The following ALMS1 variants were observed in gnomAD, a reference collection of about 807,000 sequenced individuals.
ALMS1 encodes ALMS1 centrosome and basal body associated protein.
ALMS1 carries 271 observed loss-of-function variants against 352.2 expected under a neutral mutation model. The observed-to-expected ratio is 0.77, with a 90% CI of 0.70 to 0.85. The LOEUF is 0.85. Among genes scored for constraint, ALMS1 ranks in the 40% least tolerant of loss-of-function variants. ALMS1 has a pLI of 0.00. For synonymous variants in ALMS1, 1,865 were observed against 1,761.2 expected (o/e 1.06, Z -1.48); for missense variants, 5,445 against 4,870.7 (o/e 1.12, Z -3.51).
At chr2:73,445,831 A>G (rs1671802538) in intron 7 of ALMS1, among the ~76,000 whole-genome samples, 1 of 152,022 alleles carries the variant, frequency 6.6e-6, no homozygotes, top group Admixed American at 6.6e-5. Flanking sequence ...TTACCTCTTC[A>G]ACTCACCCCT....
At chr2:73,552,257 C>G (rs1457527547) in intron 13 of ALMS1, among the ~76,000 whole-genome samples, 2 of 152,026 alleles carry the variant, frequency 1.3e-5, no homozygotes, top group Admixed American at 6.5e-5. Flanking sequence ...TTTATAAATC[C>G]CTTTTGAAAT....
rs58686365 is a variant in ALMS1, at chr2:73,408,864, CTTTTTT to C, written c.450+138_450+143del. On this transcript the variant is annotated intron_variant, in intron 2 of 22. Transcript: ENST00000613296. The stretch of plus-strand genomic sequence containing the variant: ...ATTCATTAATATTATGTTTTCTTGT[CTTTTTT>C]TTTTTTTTTTTTTTTTTTTTAAGAC... 133 of 188,490 alleles carry C rather than the reference CTTTTTT, an allele frequency of 7.1e-4. 1 individual carries two copies. Among genetic ancestry groups the C allele is most frequent in the Middle Eastern group, 2.3e-3 (1 of 442 alleles). 11.7% of individuals were successfully genotyped at this position (188,490 alleles called of 1,614,324 possible). A position where few individuals can be genotyped will look rare whatever the true frequency, so the allele number is the denominator to read the frequency against.
chr2:73,599,464 A>T lies in ALMS1; in HGVS notation c.11611A>T (p.Asn3871Tyr), dbSNP rs368957150. 2.1e-5 allele frequency: 34 copies of T among 1,613,636 alleles called. No homozygotes were observed. The African/African-American group carries it at 4.4e-4, about 21-fold the overall frequency. Residue 3871 changes from asparagine to tyrosine, a missense_variant, in exon 17 of 23, where the codon AAC (asparagine) becomes TAC (tyrosine). By Grantham distance (143) the Asn-to-Tyr change is moderately radical (BLOSUM62 -2). Transcript: ENST00000613296. ...SSSASSFLSS[N>Y]STFCNKQNVH... ...TTCTGCCAGTAGTTTCCTGAGCTCA[A>T]ACTCTACTTTTTGCAACAAGCAGAA... is the stretch of plus-strand genomic sequence containing the variant.
At chr2:73,491,571 T>G (rs767329389) in intron 10 of ALMS1, 73 bp downstream of exon 10, 1 of 1,522,594 alleles carries the variant, frequency 6.6e-7, no homozygotes, top group South Asian at 1.1e-5. Flanking sequence ...TAAGTAGATA[T>G]CGGTTCTTGG....
At chr2:73,577,411 GTC>G (rs1675076827) in intron 16 of ALMS1, among the ~76,000 whole-genome samples, 1 of 151,320 alleles carries the variant, frequency 6.6e-6, no homozygotes, top group Non-Finnish European at 1.5e-5. Context: ...TTTTTTTAAA[GTC>G]TGTTTCATTT....
At chr2:73,514,141 A>T (rs1323955167) in intron 10 of ALMS1, among the ~76,000 whole-genome samples, 3 of 152,178 alleles carry the variant, frequency 2.0e-5, no homozygotes, top group Non-Finnish European at 2.9e-5. Context: ...TGTCAATGTC[A>T]TATGGTTGAA....
intron 6 of ALMS1, among the ~76,000 whole-genome samples, chr2:73,429,123 T>TG (rs1671450998): frequency 6.6e-6 from 1 of 152,100 alleles, no homozygotes; most frequent in African/African-American, 2.4e-5. Flanking sequence ...TACTATTAAA[T>TG]GGGGTAAGTT....
chr2:73,442,656 C>T (rs1671741356), intron 7 of ALMS1, among the ~76,000 whole-genome samples: 1 of 152,140 alleles, frequency 6.6e-6, no homozygotes, highest in Non-Finnish European at 1.5e-5. Context: ...TGGTACAGTA[C>T]TGGCTGCCTC....
At chr2:73,430,325 C>T (rs535128497) in intron 6 of ALMS1, among the ~76,000 whole-genome samples, 1 of 152,330 alleles carries the variant, frequency 6.6e-6, no homozygotes, top group Admixed American at 6.5e-5. Context: ...ATCCGCCCGC[C>T]TCGGCCTCCC....
At chr2:73,541,024 AACAG>A (rs1674165734) in intron 12 of ALMS1, among the ~76,000 whole-genome samples, 2 of 152,226 alleles carry the variant, frequency 1.3e-5, no homozygotes, top group Non-Finnish European at 2.9e-5. Flanking sequence ...AAGCAGACCT[AACAG>A]ACATCTACAG....
intron 16 of ALMS1, among the ~76,000 whole-genome samples, chr2:73,584,992 G>A (rs1675276650): frequency 6.6e-6 from 1 of 152,100 alleles, no homozygotes; most frequent in Non-Finnish European, 1.5e-5. Flanking sequence ...ATTCCATGGT[G>A]TATATGTACC....
chr2:73,428,266 C>A (rs769187433), intron 6 of ALMS1, among the ~76,000 whole-genome samples: 1 of 152,136 alleles, frequency 6.6e-6, no homozygotes, highest in African/African-American at 2.4e-5. Flanking sequence ...GCAATTGACA[C>A]TTAGAGGATT....
At chr2:73,463,370 G>T (rs941277764) in intron 9 of ALMS1, among the ~76,000 whole-genome samples, 12 of 151,632 alleles carry the variant, frequency 7.9e-5, no homozygotes, top group Non-Finnish European at 1.3e-4. Context: ...ATAACGAAAT[G>T]AAGGCACAAA....
At chr2:73,602,102 A>AGGT (rs1332035762) in intron 19 of ALMS1, 83 bp from the exon 20 acceptor site, 2 of 1,377,170 alleles carry the variant, frequency 1.5e-6, no homozygotes, top group African/African-American at 2.9e-5. Context: ...CCTCTTGGGC[A>AGGT]GGTGGTGTGT....
At position 73,448,199 on chromosome 2, in the gene ALMS1, C is replaced by T; in HGVS notation, c.1672C>T (p.Pro558Ser). 6.2e-7 allele frequency: 1 copy of T among 1,614,010 alleles called. No individual in the cohort carries two copies. The highest frequency in any genetic ancestry group is 1.1e-5 in the South Asian group (1 of 91,080). The change falls in exon 8 of 23, where the codon CCT becomes TCT. Residue 558 changes from proline (P) to serine (S), a missense_variant. Pro to Ser is a moderately conservative substitution (Grantham distance 74). Transcript: ENST00000613296. ...TEETLKVTAI[P>S]EPADQKTATP... ...AGAGACTCTGAAAGTCACAGCTATT[C>T]CTGAACCAGCTGACCAGAAGACTGC... is the stretch of plus-strand genomic sequence containing the variant.
In ALMS1 at chr2:73,450,198, C is replaced by T; in HGVS notation, c.3671C>T (p.Pro1224Leu). 1 of 1,614,022 alleles carries T rather than the reference C, an allele frequency of 6.2e-7. No individual in the cohort carries two copies. Among genetic ancestry groups the T allele is most frequent in the Non-Finnish European group, 8.5e-7 (1 of 1,179,972 alleles). ...CAGAAAGTTTCACCTGTTCTTGGAC[C>T]AGCTGACCAGAAGACTGGGACACCA... Reference protein sequence around the residue: ...EAQKVSPVLGPADQKTGTPTP... With the variant: ...EAQKVSPVLGLADQKTGTPTP... The change falls in exon 8 of 23, where the codon CCA becomes CTA. Residue 1224 changes from proline to leucine, a missense_variant. Transcript: ENST00000613296.
At chr2:73,497,946 A>C (rs1247049763) in intron 10 of ALMS1, among the ~76,000 whole-genome samples, 1 of 151,930 alleles carries the variant, frequency 6.6e-6, no homozygotes, top group East Asian at 1.9e-4. Context: ...CTATAGGTTT[A>C]CAGGCATACC....
chr2:73,441,958 A>G (rs902430467), intron 7 of ALMS1, among the ~76,000 whole-genome samples: 2 of 152,128 alleles, frequency 1.3e-5, no homozygotes, highest in Admixed American at 6.5e-5. Context: ...CTCAGGCAAT[A>G]TTGAATAAAC....
rs139071816 is a variant in ALMS1, at chr2:73,540,002, A to G, written c.9907+5053A>G. Among the ~76,000 whole-genome samples the G allele has an allele frequency of 6.9e-3, 1,048 of 152,346 alleles. 7 individuals carry two copies. The highest frequency in any genetic ancestry group is 9.7e-3 in the Non-Finnish European group (662 of 68,026). On this transcript the variant is annotated intron_variant, in intron 12 of 22. Transcript: ENST00000613296. The stretch of plus-strand genomic sequence containing the variant: ...TCTAGCAAGGCAGGCCAACATTCAC[A>G]TTCAGGAAATACAGAGAATGCCACA...
Sources: gnomAD v4.1 joint callset for allele counts (sites outside exome capture counted in the v4.1 genomes callset) on GRCh38, gnomAD v4.1.1 for gene constraint, MANE v1.5 for transcripts, NCBI Gene and HGNC (gene_info 2026-07-23, HGNC 2026-07-21) for gene names.